The following PLEKHA5 variants were observed in gnomAD, a reference collection of about 807,000 sequenced individuals.
PLEKHA5 encodes pleckstrin homology domain-containing family A member 5.
Under a neutral mutation model 181.9 loss-of-function variants are expected in PLEKHA5, and 55 were observed. That is an observed-to-expected ratio of 0.30 (90% CI 0.24 to 0.38). The LOEUF (loss-of-function observed/expected upper bound fraction) is 0.38, where lower values mean the gene tolerates loss of function less well. Ranked by LOEUF, PLEKHA5 falls within the 10% of genes least tolerant of loss-of-function variation. The pLI, the probability that PLEKHA5 is intolerant of heterozygous loss-of-function variation, is 1.00. For synonymous variants in PLEKHA5, 535 were observed against 529.4 expected (o/e 1.01, Z -0.15); for missense variants, 1,432 against 1,549.5 (o/e 0.92, Z 1.27).
intron 11 of PLEKHA5, among the ~76,000 whole-genome samples, chr12:19,278,463 T>C (rs2075205347): frequency 2.6e-5 from 4 of 152,206 alleles, no homozygotes; most frequent in Admixed American, 2.6e-4. Flanking sequence ...TTCTATGATA[T>C]AGCTCAGTGC....
chr12:19,311,152 G>A lies in PLEKHA5; in HGVS notation c.2038-3662G>A, dbSNP rs528494157. Among the ~76,000 whole-genome samples, 248 of 152,036 alleles carry A rather than the reference G, an allele frequency of 1.6e-3. 1 individual carries two copies. The highest frequency in any genetic ancestry group is 2.8e-3 in the Non-Finnish European group (188 of 68,002). On this transcript the variant is annotated intron_variant, in intron 15 of 31. Coordinates refer to ENST00000429027, the MANE Select transcript of PLEKHA5 (RefSeq NM_001256470.2). ...AGAACCTCTTTCAGAATTGGAGTGG[G>A]GTCGGGCATGGTGTCTCATGCCTGT...
intron 3 of PLEKHA5, among the ~76,000 whole-genome samples, chr12:19,249,080 C>A (rs1014101204): frequency 1.3e-5 from 2 of 152,094 alleles, no homozygotes; most frequent in Non-Finnish European, 2.9e-5. Context: ...TGCCTGTAAT[C>A]CCAGCAGTTT....
At chr12:19,238,490 C>G (rs929163105) in intron 3 of PLEKHA5, among the ~76,000 whole-genome samples, 13 of 152,038 alleles carry the variant, frequency 8.6e-5, no homozygotes, top group Non-Finnish European at 1.6e-4. Flanking sequence ...ACAATTTTTT[C>G]CTTAAGTTGC....
intron 20 of PLEKHA5, among the ~76,000 whole-genome samples, chr12:19,328,593 G>A (rs1008761468): frequency 7.1e-6 from 1 of 141,288 alleles, no homozygotes; most frequent in Admixed American, 7.4e-5. Context: ...GTGTGTGTGT[G>A]TGTGTATTGT....
chr12:19,182,021 ATCTT>A (rs2048721763), intron 3 of PLEKHA5, among the ~76,000 whole-genome samples: 1 of 152,150 alleles, frequency 6.6e-6, no homozygotes, highest in Non-Finnish European at 1.5e-5. Context: ...TTTGCTTTCT[ATCTT>A]ATGGTTTCAG....
intron 31 of PLEKHA5, chr12:19,370,825 G>C (rs1389585384): frequency 6.6e-6 from 1 of 151,912 alleles, no homozygotes; most frequent in Non-Finnish European, 1.5e-5. Flanking sequence ...AAGTAGCTGG[G>C]ATCACAAGTG....
chr12:19,143,966 G>A (rs560558953), intron 3 of PLEKHA5, among the ~76,000 whole-genome samples: 2 of 152,218 alleles, frequency 1.3e-5, no homozygotes, highest in South Asian at 4.2e-4. Flanking sequence ...AATTGGAATT[G>A]AGAAAATACA....
At chr12:19,333,818 C>G (rs1376678825) in intron 20 of PLEKHA5, among the ~76,000 whole-genome samples, 1 of 151,794 alleles carries the variant, frequency 6.6e-6, no homozygotes, top group African/African-American at 2.4e-5. Flanking sequence ...ACTATGTTGA[C>G]CAGGCTGGTC....
chr12:19,249,916 G>T (rs2064809107), intron 3 of PLEKHA5, among the ~76,000 whole-genome samples: 1 of 152,164 alleles, frequency 6.6e-6, no homozygotes, highest in South Asian at 2.1e-4. Context: ...TATTTTAAGG[G>T]TTATGATAGC....
chr12:19,360,302 CAA>C (rs11317195), intron 28 of PLEKHA5, among the ~76,000 whole-genome samples: 7 of 147,346 alleles, frequency 4.8e-5, no homozygotes, highest in South Asian at 2.2e-4. Context: ...GATCCTGTTT[CAA>C]AAAAAAAAAC....
intron 7 of PLEKHA5, among the ~76,000 whole-genome samples, chr12:19,264,799 C>A (rs1342498647): frequency 1.4e-5 from 2 of 139,852 alleles, no homozygotes; most frequent in Admixed American, 7.4e-5. Context: ...AAAAAAGTCA[C>A]ACACAGCAAA....
intron 27 of PLEKHA5, 139 bp from the exon 28 acceptor site, chr12:19,359,273 C>A: frequency 1.6e-6 from 1 of 625,392 alleles, no homozygotes; most frequent in Non-Finnish European, 2.7e-6. Context: ...TATAAATTTT[C>A]TTTGTTAGTT....
At chr12:19,229,686 A>G (rs1291335659) in intron 3 of PLEKHA5, among the ~76,000 whole-genome samples, 2 of 152,190 alleles carry the variant, frequency 1.3e-5, no homozygotes, top group African/African-American at 2.4e-5. Flanking sequence ...ACAGTGTGGA[A>G]GAAGACCCAA....
At chr12:19,162,271 TG>T (rs2043137922) in intron 3 of PLEKHA5, among the ~76,000 whole-genome samples, 1 of 152,240 alleles carries the variant, frequency 6.6e-6, no homozygotes, top group East Asian at 1.9e-4. Flanking sequence ...ACTGAAATAA[TG>T]TGCCTTCCCC....
chr12:19,346,133 A>G (rs996295905), intron 23 of PLEKHA5, among the ~76,000 whole-genome samples: 4 of 152,130 alleles, frequency 2.6e-5, no homozygotes, highest in African/African-American at 7.2e-5. Context: ...TAACGTTGTC[A>G]TACTTTTTCT....
intron 3 of PLEKHA5, among the ~76,000 whole-genome samples, chr12:19,245,994 T>G (rs990732417): frequency 1.3e-5 from 2 of 151,382 alleles, no homozygotes; most frequent in African/African-American, 2.4e-5. Flanking sequence ...TTTTTTCCTT[T>G]TTTTGACAGA....
At chr12:19,139,166 A>G (rs1485273627) in intron 3 of PLEKHA5, among the ~76,000 whole-genome samples, 1 of 152,252 alleles carries the variant, frequency 6.6e-6, no homozygotes, top group East Asian at 1.9e-4. Context: ...CTTGCTGAGC[A>G]AGGAGGTTGA....
chr12:19,346,387 C>G (rs1373775558), intron 23 of PLEKHA5, among the ~76,000 whole-genome samples: 1 of 151,988 alleles, frequency 6.6e-6, no homozygotes, highest in Non-Finnish European at 1.5e-5. Context: ...TGCCTGTAAT[C>G]CCAGCACTTT....
At chr12:19,145,982 C>G (rs1298332345) in intron 3 of PLEKHA5, among the ~76,000 whole-genome samples, 1 of 152,110 alleles carries the variant, frequency 6.6e-6, no homozygotes, top group African/African-American at 2.4e-5. Flanking sequence ...AATAATATGA[C>G]ACATTGTGCA....
Sources: gnomAD v4.1 joint callset for allele counts (sites outside exome capture counted in the v4.1 genomes callset) on GRCh38, gnomAD v4.1.1 for gene constraint, MANE v1.5 for transcripts, NCBI Gene and HGNC (gene_info 2026-07-23, HGNC 2026-07-21) for gene names.